DLG2: variants seen among roughly 807,000 people sequenced by gnomAD.
The protein encoded by DLG2 is discs large MAGUK scaffold protein 2.
Under a neutral mutation model 132.5 loss-of-function variants are expected in DLG2, and 45 were observed. The observed-to-expected ratio is 0.34, with a 90% CI of 0.27 to 0.44. The LOEUF is 0.44. DLG2 is among the 20% of genes least tolerant of loss of function. The pLI is 1.00. For synonymous variants in DLG2, 424 were observed against 419.6 expected (o/e 1.01, Z -0.13); for missense variants, 1,045 against 1,196.9 (o/e 0.87, Z 1.87).
chr11:83,562,863 G>T (rs764324841), intron 19 of DLG2, among the ~76,000 whole-genome samples: 1 of 151,324 alleles, frequency 6.6e-6, no homozygotes, highest in African/African-American at 2.4e-5. Flanking sequence ...TACATTTCTT[G>T]AGCGCCTTAC....
intron 7 of DLG2, among the ~76,000 whole-genome samples, chr11:84,508,376 A>T (rs2099247811): frequency 6.6e-6 from 1 of 151,358 alleles, no homozygotes; most frequent in Non-Finnish European, 1.5e-5. Flanking sequence ...GCCTTTGCTC[A>T]AATGCTATCT....
intron 19 of DLG2, among the ~76,000 whole-genome samples, chr11:83,558,837 G>C (rs1268265626): frequency 6.7e-6 from 1 of 148,298 alleles, no homozygotes; most frequent in African/African-American, 2.5e-5. Flanking sequence ...GTAAAAAACA[G>C]TGCTAGATGT....
At chr11:84,086,806 C>G (rs893993212) in intron 10 of DLG2, among the ~76,000 whole-genome samples, 2 of 152,028 alleles carry the variant, frequency 1.3e-5, no homozygotes, top group African/African-American at 2.4e-5. Context: ...ATTTTCATCA[C>G]CCCCAAAAGA....
chr11:85,515,133 T>C (rs367730911), intron 3 of DLG2, among the ~76,000 whole-genome samples: 1 of 151,892 alleles, frequency 6.6e-6, no homozygotes, highest in African/African-American at 2.4e-5. Flanking sequence ...TGTTGGAATA[T>C]AAAAGACAAA....
chr11:83,671,338 C>T (rs1037769714), intron 18 of DLG2, among the ~76,000 whole-genome samples: 4 of 152,278 alleles, frequency 2.6e-5, no homozygotes, highest in African/African-American at 9.6e-5. Flanking sequence ...GGGAAATCAA[C>T]GTGAACCCAC....
chr11:84,503,009 G>A (rs2099226087), intron 7 of DLG2, among the ~76,000 whole-genome samples: 1 of 152,160 alleles, frequency 6.6e-6, no homozygotes, highest in Admixed American at 6.5e-5. Flanking sequence ...AACTGACTAT[G>A]CTAAGTGGGA....
intron 11 of DLG2, among the ~76,000 whole-genome samples, chr11:84,035,594 G>C (rs1428068397): frequency 1.3e-5 from 2 of 152,198 alleles, no homozygotes; most frequent in Admixed American, 6.5e-5. Context: ...AAGCCAAAGA[G>C]GTAGCCAGGG....
chr11:84,961,285 T>G (rs1193969446), intron 6 of DLG2, among the ~76,000 whole-genome samples: 1 of 151,934 alleles, frequency 6.6e-6, no homozygotes, highest in Non-Finnish European at 1.5e-5. Flanking sequence ...ATCATACCAG[T>G]GTAGCTCATG....
intron 7 of DLG2, among the ~76,000 whole-genome samples, chr11:84,510,930 G>A (rs2099255463): frequency 6.6e-6 from 1 of 152,044 alleles, no homozygotes; most frequent in Non-Finnish European, 1.5e-5. Context: ...GGGACAGAGG[G>A]AGGAGGGCTC....
intron 9 of DLG2, among the ~76,000 whole-genome samples, chr11:84,136,507 T>C (rs1008344006): frequency 6.6e-6 from 1 of 152,182 alleles, no homozygotes; most frequent in Non-Finnish European, 1.5e-5. Flanking sequence ...AAATGAGATA[T>C]GAGAATCTAT....
chr11:85,549,336 T>C (rs769716726), intron 3 of DLG2, among the ~76,000 whole-genome samples: 1 of 152,136 alleles, frequency 6.6e-6, no homozygotes, highest in Non-Finnish European at 1.5e-5. Context: ...CACAATGAGA[T>C]GAACCGGTTA....
chr11:84,897,141 C>CATAT (rs5793146), intron 6 of DLG2, among the ~76,000 whole-genome samples: 4 of 149,684 alleles, frequency 2.7e-5, no homozygotes, highest in Non-Finnish European at 6.0e-5. Context: ...GTACTAGTTA[C>CATAT]ATATATATAT....
At chr11:84,233,715 A>G (rs778111696) in intron 8 of DLG2, among the ~76,000 whole-genome samples, 52 of 152,288 alleles carry the variant, frequency 3.4e-4, no homozygotes, top group Non-Finnish European at 6.2e-4. Flanking sequence ...GTGAACCCCA[A>G]TGCATTTCAC....
chr11:85,406,009 T>A (rs899015577), intron 3 of DLG2, among the ~76,000 whole-genome samples: 37 of 152,076 alleles, frequency 2.4e-4, no homozygotes, highest in African/African-American at 8.7e-4. Context: ...TATACTCATT[T>A]TAAGTCAACA....
chr11:84,776,313 G>A (rs1257229866), intron 6 of DLG2, among the ~76,000 whole-genome samples: 1 of 152,006 alleles, frequency 6.6e-6, no homozygotes, highest in Admixed American at 6.6e-5. Context: ...GACCATGCCT[G>A]GCTAATTTTT....
intron 9 of DLG2, among the ~76,000 whole-genome samples, chr11:84,121,302 A>T (rs916291195): frequency 1.3e-4 from 20 of 152,200 alleles, no homozygotes; most frequent in African/African-American, 4.3e-4. Context: ...TTATGTTCCC[A>T]TCTTGTTCAT....
intron 6 of DLG2, among the ~76,000 whole-genome samples, chr11:84,621,427 T>C (rs1237958183): frequency 6.6e-6 from 1 of 152,136 alleles, no homozygotes; most frequent in Non-Finnish European, 1.5e-5. Flanking sequence ...GGAGAAGGAA[T>C]AGATGGATTT....
intron 6 of DLG2, among the ~76,000 whole-genome samples, chr11:84,912,755 G>A (rs1376136604): frequency 1.3e-5 from 2 of 151,730 alleles, no homozygotes; most frequent in African/African-American, 4.8e-5. Context: ...GATTCTGGCT[G>A]TGTGGACTGA....
intron 15 of DLG2, among the ~76,000 whole-genome samples, chr11:83,915,360 T>C (rs1053891643): frequency 1.3e-5 from 2 of 152,164 alleles, no homozygotes; most frequent in African/African-American, 2.4e-5. Flanking sequence ...ATGATGATTG[T>C]AGTGTAGCAA....
Sources: allele counts gnomAD v4.1 joint callset (sites outside exome capture counted in the v4.1 genomes callset), GRCh38; gene constraint gnomAD v4.1.1; transcripts MANE v1.5; gene names NCBI Gene and HGNC (gene_info 2026-07-23, HGNC 2026-07-21).